FUNDC2: variants seen among roughly 807,000 people sequenced by gnomAD.
FUNDC2 encodes FUN14 domain containing 2, also known as FUN14 domain-containing protein 2.
FUNDC2 carries 4 observed loss-of-function variants against 15.6 expected under a neutral mutation model. The ratio of observed to expected loss-of-function variants is 0.26; its 90% CI spans 0.13 to 0.59. FUNDC2 has a LOEUF of 0.59. FUNDC2 is among the 20% of genes least tolerant of loss of function. The pLI, the probability that FUNDC2 is intolerant of heterozygous loss-of-function variation, is 0.90. For missense variants in FUNDC2, 98 were observed against 149.7 expected (o/e 0.65, Z 1.80); for synonymous variants, 44 against 56.9 (o/e 0.77, Z 1.02).
At chrX:155,033,086 ATTCGCCCACC>A (rs2124186148) in intron 1 of FUNDC2, 1 of 145,090 alleles carries the variant, frequency 6.9e-6, no homozygotes, top group East Asian at 1.7e-4. Flanking sequence ...ACCTCAGGTG[ATTCGCCCACC>A]TCGGCCTCCC....
At chrX:155,045,191 T>A (rs2073858544) in intron 2 of FUNDC2, among the ~76,000 whole-genome samples, 1 of 111,700 alleles carries the variant, frequency 9.0e-6, no homozygotes, top group African/African-American at 3.3e-5. Context: ...TAAAACTGGT[T>A]ACCAGGGATA....
At position 155,057,591 on chromosome X, in the gene FUNDC2, GATGGCATCTACGTAGTGAAGGC is replaced by G. The variant is rs1569560323; in HGVS notation, c.*2920_*2941del. On this transcript the variant is annotated 3_prime_UTR_variant, in exon 5 of 5. Coordinates refer to ENST00000369498, the MANE Select transcript of FUNDC2 (RefSeq NM_023934.4). The stretch of plus-strand genomic sequence containing the variant: ...AGGCTTCCAACTTGTCAACCAATAG[GATGGCATCTACGTAGTGAAGGC>G]TTCCCTTCCCTTGTCCTGCAGCGTG... 2 of 111,722 alleles carry G rather than the reference GATGGCATCTACGTAGTGAAGGC, an allele frequency of 1.8e-5. No homozygotes were observed. The highest frequency in any genetic ancestry group is 6.5e-5 in the African/African-American group (2 of 30,617). 9.2% of individuals were successfully genotyped at this position (111,722 alleles called of 1,213,427 possible).
At chrX:155,038,822 C>G (rs2073839333) in intron 2 of FUNDC2, among the ~76,000 whole-genome samples, 1 of 112,390 alleles carries the variant, frequency 8.9e-6, no homozygotes, top group South Asian at 3.7e-4. Context: ...GCAGATACCT[C>G]TTTAATGTAC....
intron 2 of FUNDC2, among the ~76,000 whole-genome samples, chrX:155,038,718 T>C (rs1364140209): frequency 1.8e-5 from 2 of 112,641 alleles, no homozygotes; most frequent in East Asian, 5.5e-4. Context: ...TATTCCATTA[T>C]GTAATATACC....
chrX:155,057,029 GTTGGC>G lies in FUNDC2; in HGVS notation c.*2358_*2362del, dbSNP rs1569560278. The G allele has an allele frequency of 2.0e-5, 2 of 98,162 alleles. No homozygotes were observed. Among genetic ancestry groups the G allele is most frequent in the Non-Finnish European group, 4.3e-5 (2 of 46,724 alleles). The allele number at this position is 98,162 out of a possible 1,213,427, so 8.1% of individuals were successfully genotyped here. The stretch of plus-strand genomic sequence containing the variant: ...GTCATGGTTGAGGTCAGTATTGCAG[GTTGGC>G]CTCATCCTGCTAGTATGAGAACGGC... On this transcript the variant is annotated 3_prime_UTR_variant, in exon 5 of 5. Transcript: ENST00000369498.
In FUNDC2 at chrX:155,026,853, C is replaced by A; in HGVS notation, c.-86C>A. Reference sequence around the variant, plus strand: ...GGACCGCGGGGCCTGTGACACCGCACGCTGAGCTCTGTGATGTAGCCGCTT... The same window carrying A: ...GGACCGCGGGGCCTGTGACACCGCAAGCTGAGCTCTGTGATGTAGCCGCTT... On this transcript the variant is annotated 5_prime_UTR_variant, in exon 1 of 5. Transcript: ENST00000369498. The A allele has an allele frequency of 1.8e-6, 2 of 1,134,391 alleles. No homozygotes were observed. Among genetic ancestry groups the A allele is most frequent in the South Asian group, 2.0e-5 (1 of 50,179 alleles). The allele number at this position is 1,134,391 out of a possible 1,213,427, so 93.5% of individuals were successfully genotyped here. A position where few individuals can be genotyped will look rare whatever the true frequency, so the allele number is the denominator to read the frequency against.
At chrX:155,045,733 G>A (rs1176668639) in intron 2 of FUNDC2, among the ~76,000 whole-genome samples, 1 of 111,426 alleles carries the variant, frequency 9.0e-6, no homozygotes, top group Non-Finnish European at 1.9e-5. Flanking sequence ...GAAAAGGGAA[G>A]GGGGCTGGAG....
chrX:155,051,606 CCTGA>C (rs1375514190), intron 3 of FUNDC2, 60 bp from the exon 4 acceptor site: 3 of 1,143,365 alleles, frequency 2.6e-6, no homozygotes, highest in Non-Finnish European at 3.6e-6. Context: ...CAGGATTTAT[CCTGA>C]CTAAAAGAAA....
intron 1 of FUNDC2, among the ~76,000 whole-genome samples, chrX:155,031,159 G>A (rs1271593197): frequency 4.5e-5 from 5 of 110,389 alleles, no homozygotes; most frequent in Admixed American, 9.6e-5. Context: ...ATTTCTTGTC[G>A]GCCTGAATAA....
chrX:155,047,564 C>G (rs1310732824), intron 3 of FUNDC2, among the ~76,000 whole-genome samples: 1 of 111,636 alleles, frequency 9.0e-6, no homozygotes, highest in Non-Finnish European at 1.9e-5. Context: ...ACTTTATTCT[C>G]TCTCATGGTT....
At chrX:155,042,820 T>C (rs1264445000) in intron 2 of FUNDC2, among the ~76,000 whole-genome samples, 6 of 112,294 alleles carry the variant, frequency 5.3e-5, no homozygotes, top group Non-Finnish European at 7.5e-5. Flanking sequence ...TTTTGTCTCT[T>C]TTCTGTTTCA....
chrX:155,059,351 C>T lies in FUNDC2; in HGVS notation c.*4679C>T, dbSNP rs962123526. 3.6e-5 allele frequency: 4 copies of T among 111,546 alleles called. No individual in the cohort carries two copies. Among genetic ancestry groups the T allele is most frequent in the Non-Finnish European group, 5.6e-5 (3 of 53,099 alleles). The allele number at this position is 111,546 out of a possible 1,213,427, so 9.2% of individuals were successfully genotyped here. A position where few individuals can be genotyped will look rare whatever the true frequency, so the allele number is the denominator to read the frequency against. On this transcript the variant is annotated 3_prime_UTR_variant, in exon 5 of 5. Coordinates refer to ENST00000369498, the MANE Select transcript of FUNDC2 (RefSeq NM_023934.4). ...CACCCCACAAATGACTTACCCATTA[C>T]GAAGGGAAAACTACCTTTCTAGCTA...
intron 1 of FUNDC2, 25 bp downstream of exon 1, chrX:155,027,096 G>C (rs1557288321): frequency 9.1e-7 from 1 of 1,094,875 alleles, no homozygotes; most frequent in South Asian, 2.2e-5. Context: ...GCGCGCGGCC[G>C]GCGCCGCGGG....
Position 155,026,996 on chromosome X carries a change from T to C in FUNDC2, c.58T>C (p.Ser20Pro). The change falls in exon 1 of 5, where the codon TCC (serine) becomes CCC (proline). Residue 20 changes from serine to proline, a missense_variant. Physicochemically the swap from Ser to Pro is moderately conservative, Grantham distance 74. Transcript: ENST00000369498. ...SQVVATTARHSAAYRADPLRV... is the reference protein window; with the variant it reads ...SQVVATTARHPAAYRADPLRV... ...AGTGGTGGCGACAACTGCGCGCCAC[T>C]CCGCGGCCTACCGCGCAGATCCTCT... The C allele has an allele frequency of 1.7e-6, 2 of 1,203,154 alleles. No homozygotes were observed. The highest frequency in any genetic ancestry group is 3.6e-5 in the South Asian group (2 of 55,885).
chrX:155,055,364 T>C lies in FUNDC2; in HGVS notation c.*692T>C, dbSNP rs1000930558. On this transcript the variant is annotated 3_prime_UTR_variant, in exon 5 of 5. Coordinates refer to ENST00000369498, the MANE Select transcript of FUNDC2 (RefSeq NM_023934.4). ...TTGGATTTTTATTTTGTAGAAAAGG[T>C]TTTAAGCTTTGAAATGTGAATGAAA... 6.8e-6 allele frequency: 2 copies of C among 294,608 alleles called. No individual in the cohort carries two copies. The highest frequency in any genetic ancestry group is 5.6e-5 in the African/African-American group (2 of 36,028). The allele number at this position is 294,608 out of a possible 1,213,427, so 24.3% of individuals were successfully genotyped here.
At position 155,046,600 on chromosome X, in the gene FUNDC2, G is replaced by A. The variant is rs2073863406; in HGVS notation, c.360+16G>A. On this transcript the variant is annotated intron_variant, in intron 3 of 4. Coordinates refer to ENST00000369498, the MANE Select transcript of FUNDC2 (RefSeq NM_023934.4). ...TCTCCTTCAGGTCTGTATGTGAAAT[G>A]TTCTCAGATGTTTGGAAATTCCACC... is the stretch of plus-strand genomic sequence containing the variant. The A allele has an allele frequency of 8.6e-7, 1 of 1,166,830 alleles. No homozygotes were observed. The highest frequency in any genetic ancestry group is 1.2e-6 in the Non-Finnish European group (1 of 854,567).
intron 1 of FUNDC2, 31 bp downstream of exon 1, chrX:155,027,102 G>T (rs1251523998): frequency 1.8e-6 from 2 of 1,086,190 alleles, no homozygotes; most frequent in Non-Finnish European, 2.4e-6. Context: ...GGCCGGCGCC[G>T]CGGGGAGCCG....
At chrX:155,052,112 G>A (rs1158004598) in intron 4 of FUNDC2, among the ~76,000 whole-genome samples, 3 of 112,131 alleles carry the variant, frequency 2.7e-5, no homozygotes, top group Non-Finnish European at 5.6e-5. Flanking sequence ...CCATTTTGTC[G>A]CTATACACGC....
intron 2 of FUNDC2, among the ~76,000 whole-genome samples, 184 bp downstream of exon 2, chrX:155,033,737 C>T (rs1177064774): frequency 1.8e-5 from 2 of 112,429 alleles, no homozygotes; most frequent in African/African-American, 3.2e-5. Context: ...ATGATTGTTT[C>T]CTATATGCCA....
Sources: gnomAD v4.1 joint callset for allele counts (sites outside exome capture counted in the v4.1 genomes callset) on GRCh38, gnomAD v4.1.1 for gene constraint, MANE v1.5 for transcripts, NCBI Gene and HGNC (gene_info 2026-07-23, HGNC 2026-07-21) for gene names.